DLG2: variants seen among roughly 807,000 people sequenced by gnomAD.
The protein encoded by DLG2 is discs large MAGUK scaffold protein 2.
Under a neutral mutation model 132.5 loss-of-function variants are expected in DLG2, and 45 were observed. The observed-to-expected ratio is 0.34, with a 90% CI of 0.27 to 0.44. DLG2 has a LOEUF of 0.44. Ranked by LOEUF, DLG2 falls within the 20% of genes least tolerant of loss-of-function variation. DLG2 has a pLI of 1.00. For synonymous variants in DLG2, 424 were observed against 419.6 expected, an observed-to-expected ratio of 1.01 and a Z score of -0.13; for missense variants, 1,045 against 1,196.9, an observed-to-expected ratio of 0.87 and a Z score of 1.87.
chr11:84,796,153 C>T lies in DLG2; in HGVS notation c.358-261422G>A, dbSNP rs112164715. 9.2e-3 allele frequency among the ~76,000 whole-genome samples: 1,400 copies of T among 152,172 alleles called. 11 individuals carry two copies. Among genetic ancestry groups the T allele is most frequent in the Non-Finnish European group, 0.014 (955 of 67,998 alleles). On this transcript the variant is annotated intron_variant, in intron 6 of 27. Transcript: ENST00000376104. ...CAAGTATCTCGTGACAGATGGATAC[C>T]CTATTCTCCAAGATGTGACTATTAT...
chr11:84,171,781 G>GA (rs1319541683), intron 8 of DLG2, among the ~76,000 whole-genome samples: 1 of 152,076 alleles, frequency 6.6e-6, no homozygotes, highest in African/African-American at 2.4e-5. Flanking sequence ...CTGAATATAT[G>GA]AAAATCAGTT....
chr11:85,152,239 TATTA>T (rs904589849), intron 5 of DLG2, among the ~76,000 whole-genome samples: 1 of 150,634 alleles, frequency 6.6e-6, no homozygotes, highest in African/African-American at 2.5e-5. Context: ...GTTATTTATT[TATTA>T]ATTTTTTTTT....
chr11:83,796,041 T>C (rs1335959577), intron 17 of DLG2, among the ~76,000 whole-genome samples: 2 of 152,252 alleles, frequency 1.3e-5, no homozygotes, highest in East Asian at 1.9e-4. Context: ...AATGTATCTA[T>C]TTATAAGCTC....
At chr11:84,625,810 G>T (rs959476745) in intron 6 of DLG2, among the ~76,000 whole-genome samples, 1 of 152,180 alleles carries the variant, frequency 6.6e-6, no homozygotes, top group Non-Finnish European at 1.5e-5. Context: ...ACATGTGAAA[G>T]AAAATCATGT....
intron 11 of DLG2, among the ~76,000 whole-genome samples, chr11:84,020,715 G>C (rs2095365556): frequency 6.6e-6 from 1 of 152,150 alleles, no homozygotes; most frequent in Admixed American, 6.5e-5. Flanking sequence ...TTGTGGGCAA[G>C]GACATTTGTA....
intron 25 of DLG2, among the ~76,000 whole-genome samples, chr11:83,467,213 G>T (rs555047180): frequency 1.3e-4 from 20 of 152,270 alleles, no homozygotes; most frequent in African/African-American, 4.6e-4. Context: ...ATTATCAGCT[G>T]CATTTTACAG....
At chr11:84,976,685 A>G (rs2054952819) in intron 6 of DLG2, among the ~76,000 whole-genome samples, 1 of 152,104 alleles carries the variant, frequency 6.6e-6, no homozygotes, top group Non-Finnish European at 1.5e-5. Context: ...ATATGCTGGT[A>G]TGTTGCCAGC....
chr11:85,237,452 C>A (rs1470223968), intron 4 of DLG2, among the ~76,000 whole-genome samples: 1 of 151,762 alleles, frequency 6.6e-6, no homozygotes, highest in Non-Finnish European at 1.5e-5. Flanking sequence ...CACAGTTGAC[C>A]CTTAAACATG....
intron 8 of DLG2, among the ~76,000 whole-genome samples, chr11:84,249,754 A>G (rs1342912261): frequency 1.3e-5 from 2 of 152,166 alleles, no homozygotes; most frequent in African/African-American, 4.8e-5. Flanking sequence ...TTTACTTTCC[A>G]GTGTTGGGGT....
At chr11:83,626,881 G>A (rs2062628634) in intron 19 of DLG2, among the ~76,000 whole-genome samples, 1 of 152,132 alleles carries the variant, frequency 6.6e-6, no homozygotes, top group African/African-American at 2.4e-5. Flanking sequence ...GCATTCTGGA[G>A]CCATGGAATG....
At chr11:84,318,851 A>G (rs891885262) in intron 7 of DLG2, among the ~76,000 whole-genome samples, 3 of 152,162 alleles carry the variant, frequency 2.0e-5, no homozygotes, top group African/African-American at 7.2e-5. Flanking sequence ...CACACCGTCC[A>G]CCACAAAACA....
chr11:83,990,539 T>C (rs1250807208), intron 11 of DLG2, among the ~76,000 whole-genome samples: 2 of 152,064 alleles, frequency 1.3e-5, no homozygotes, highest in Non-Finnish European at 2.9e-5. Flanking sequence ...CAGTGAGAGG[T>C]GGGGCCTGAA....
At chr11:84,577,314 C>A (rs2099503264) in intron 6 of DLG2, among the ~76,000 whole-genome samples, 1 of 152,154 alleles carries the variant, frequency 6.6e-6, no homozygotes, top group Non-Finnish European at 1.5e-5. Context: ...CACTTTGGAG[C>A]TGGCTAACAG....
intron 3 of DLG2, among the ~76,000 whole-genome samples, chr11:85,413,121 G>T (rs1439896840): frequency 6.6e-6 from 1 of 151,854 alleles, no homozygotes; most frequent in Non-Finnish European, 1.5e-5. Context: ...GAGTAAGGTG[G>T]TATCGCATTG....
intron 10 of DLG2, among the ~76,000 whole-genome samples, chr11:84,090,407 T>C (rs1456264039): frequency 8.4e-6 from 1 of 119,444 alleles, no homozygotes; most frequent in Non-Finnish European, 1.8e-5. Flanking sequence ...AGAGTGAGAT[T>C]TCATCTCAAA....
At chr11:84,460,306 A>T (rs959827580) in intron 7 of DLG2, among the ~76,000 whole-genome samples, 1 of 150,624 alleles carries the variant, frequency 6.6e-6, no homozygotes, top group African/African-American at 2.4e-5. Context: ...TAGGCCATAG[A>T]ATTATTTTTG....
At chr11:84,665,554 T>C (rs2099698969) in intron 6 of DLG2, among the ~76,000 whole-genome samples, 1 of 152,152 alleles carries the variant, frequency 6.6e-6, no homozygotes, top group African/African-American at 2.4e-5. Context: ...AGAAAACTCC[T>C]ATTCATCCTC....
At chr11:84,487,924 C>A (rs2099155073) in intron 7 of DLG2, among the ~76,000 whole-genome samples, 1 of 152,110 alleles carries the variant, frequency 6.6e-6, no homozygotes, top group African/African-American at 2.4e-5. Context: ...TAATGTATTT[C>A]AGGAAGATAA....
chr11:84,701,042 G>A (rs144467972), intron 6 of DLG2, among the ~76,000 whole-genome samples: 6 of 151,578 alleles, frequency 4.0e-5, no homozygotes, highest in Non-Finnish European at 5.9e-5. Flanking sequence ...CCAGTCACAC[G>A]GCTGGGTGAA....
Sources: gnomAD v4.1 joint callset for allele counts (sites outside exome capture counted in the v4.1 genomes callset) on GRCh38, gnomAD v4.1.1 for gene constraint, MANE v1.5 for transcripts, NCBI Gene and HGNC (gene_info 2026-07-23, HGNC 2026-07-21) for gene names.